CTBP2: variants seen among roughly 807,000 people sequenced by gnomAD.
CTBP2 encodes C-terminal-binding protein 2.
CTBP2 carries 30 observed loss-of-function variants against 80.3 expected under a neutral mutation model. That is an observed-to-expected ratio of 0.37 (90% CI 0.28 to 0.51). CTBP2 has a LOEUF of 0.51. CTBP2 is among the 20% of genes least tolerant of loss of function. The pLI, the probability that CTBP2 is intolerant of heterozygous loss-of-function variation, is 0.93. For missense variants in CTBP2, 1,212 were observed against 1,375.3 expected (o/e 0.88, Z 1.88); for synonymous variants, 594 against 587.4 (o/e 1.01, Z -0.16).
intron 1 of CTBP2, among the ~76,000 whole-genome samples, chr10:125,137,030 G>C (rs188092504): frequency 6.6e-6 from 1 of 152,294 alleles, no homozygotes; most frequent in East Asian, 1.9e-4. Flanking sequence ...CGCCGAAAAC[G>C]AGAAGTTTGT....
At chr10:125,119,119 G>A (rs768242383) in intron 1 of CTBP2, among the ~76,000 whole-genome samples, 3 of 152,182 alleles carry the variant, frequency 2.0e-5, no homozygotes, top group African/African-American at 4.8e-5. Flanking sequence ...GATCTAACAA[G>A]GGCCAGACTA....
At chr10:125,106,759 T>G (rs1439195785) in intron 2 of CTBP2, among the ~76,000 whole-genome samples, 1 of 152,162 alleles carries the variant, frequency 6.6e-6, no homozygotes, top group East Asian at 1.9e-4. Flanking sequence ...AGTGGGAAAA[T>G]TCAGGCCTTC....
intron 1 of CTBP2, among the ~76,000 whole-genome samples, chr10:125,131,184 T>A (rs1484322722): frequency 3.3e-5 from 5 of 152,166 alleles, no homozygotes; most frequent in African/African-American, 1.2e-4. Context: ...CATGCTGGAT[T>A]TCCACTGCGG....
At chr10:125,015,163 G>C (rs1321328756) in intron 1 of CTBP2, among the ~76,000 whole-genome samples, 2 of 152,200 alleles carry the variant, frequency 1.3e-5, no homozygotes, top group Non-Finnish European at 2.9e-5. Flanking sequence ...GTCCCGCTGT[G>C]ATTGTTTGGA....
chr10:125,036,670 T>TGG (rs1406270375), intron 3 of CTBP2, among the ~76,000 whole-genome samples: 2 of 2,404 alleles, frequency 8.3e-4, no homozygotes, highest in East Asian at 6.5e-3. Context: ...CTAGAGGGGG[T>TGG]GTGTGTGTGT....
rs905958518 is a variant in CTBP2 at position 125,138,885 on chromosome 10, G to GC, written c.-206+21433dup. Among the ~76,000 whole-genome samples, 26 of 152,144 alleles carry GC rather than the reference G, an allele frequency of 1.7e-4. 1 individual carries two copies. Among genetic ancestry groups the GC allele is most frequent in the Non-Finnish European group, 1.5e-5 (1 of 68,028 alleles). ...CTCGGCTAACTGTGCAAAGGAACCG[G>GC]CTTCTGATGAGTCCCACTGTGGTTT... On this transcript the variant is annotated intron_variant, in intron 1 of 10. Transcript: ENST00000337195.
At position 125,022,770 on chromosome 10, in the gene CTBP2, G is replaced by A. The variant is rs555778570; in HGVS notation, c.1678+3312C>T. 5.9e-5 allele frequency among the ~76,000 whole-genome samples: 9 copies of A among 152,344 alleles called. No homozygotes were observed. The South Asian group carries it at 1.9e-3, about 32-fold the overall frequency. ...CTGGACCTCACCCCCAAATGTCCTT[G>A]TGCTCTGAGATGGGGGAAGCCTGCC... On this transcript the variant is annotated intron_variant, in intron 1 of 8. Coordinates refer to ENST00000309035, the MANE Select transcript of CTBP2 (RefSeq NM_022802.3).
intron 2 of CTBP2, among the ~76,000 whole-genome samples, chr10:125,090,120 G>T (rs971468660): frequency 6.6e-6 from 1 of 151,926 alleles, no homozygotes; most frequent in Non-Finnish European, 1.5e-5. Context: ...GAAGCAAAAA[G>T]GAATTTTCCT....
At chr10:125,053,884 C>G (rs889661852) in intron 2 of CTBP2, among the ~76,000 whole-genome samples, 1 of 152,170 alleles carries the variant, frequency 6.6e-6, no homozygotes, top group Non-Finnish European at 1.5e-5. Flanking sequence ...AGGGACCCGG[C>G]AGAGGATCAG....
At chr10:125,023,239 A>T (rs1957227828) in intron 1 of CTBP2, among the ~76,000 whole-genome samples, 2 of 152,216 alleles carry the variant, frequency 1.3e-5, no homozygotes, top group South Asian at 4.1e-4. Flanking sequence ...AAATGGAAAA[A>T]GCTCAGAAAG....
At chr10:125,006,815 G>A (rs760432659) in intron 1 of CTBP2, among the ~76,000 whole-genome samples, 3 of 152,196 alleles carry the variant, frequency 2.0e-5, no homozygotes, top group Non-Finnish European at 4.4e-5. Context: ...AATTTGCGAG[G>A]AGAAAGCCCA....
intron 1 of CTBP2, among the ~76,000 whole-genome samples, chr10:125,127,839 T>C (rs978964382): frequency 2.6e-5 from 4 of 152,210 alleles, no homozygotes; most frequent in Non-Finnish European, 2.9e-5. Flanking sequence ...GCAACTGTCG[T>C]GAAATTTTTG....
chr10:125,046,764 C>A (rs1439446366), intron 2 of CTBP2, among the ~76,000 whole-genome samples: 1 of 152,200 alleles, frequency 6.6e-6, no homozygotes, highest in African/African-American at 2.4e-5. Flanking sequence ...CACTATGAGG[C>A]TCTGGGCTGC....
intron 3 of CTBP2, among the ~76,000 whole-genome samples, chr10:125,036,583 T>C (rs1011076854): frequency 6.6e-6 from 1 of 151,716 alleles, no homozygotes; most frequent in Non-Finnish European, 1.5e-5. Context: ...AAAAAACAGT[T>C]TGACAGGCTC....
chr10:125,049,217 G>C (rs1285497187), intron 2 of CTBP2, among the ~76,000 whole-genome samples: 1 of 152,208 alleles, frequency 6.6e-6, no homozygotes, highest in African/African-American at 2.4e-5. Flanking sequence ...GGGAGGGGCT[G>C]GTGTAGCCCA....
At chr10:125,075,154 TAG>T (rs1316624709) in intron 2 of CTBP2, among the ~76,000 whole-genome samples, 2 of 152,216 alleles carry the variant, frequency 1.3e-5, no homozygotes, top group African/African-American at 4.8e-5. Flanking sequence ...AAAAAGATTA[TAG>T]AGTGACAATA....
chr10:125,060,958 C>T (rs1303949717), intron 2 of CTBP2, among the ~76,000 whole-genome samples: 1 of 152,352 alleles, frequency 6.6e-6, no homozygotes, highest in East Asian at 1.9e-4. Flanking sequence ...GTTCTGGAAT[C>T]TTCCGGTCGG....
At chr10:125,148,493 C>A (rs1859214584) in intron 1 of CTBP2, among the ~76,000 whole-genome samples, 1 of 152,204 alleles carries the variant, frequency 6.6e-6, no homozygotes, top group Non-Finnish European at 1.5e-5. Flanking sequence ...TTTTAAGCTT[C>A]CTTGCTGAGA....
At chr10:125,089,377 G>T (rs1848444159) in intron 2 of CTBP2, among the ~76,000 whole-genome samples, 1 of 152,150 alleles carries the variant, frequency 6.6e-6, no homozygotes, top group Non-Finnish European at 1.5e-5. Flanking sequence ...TTTTGTGAAA[G>T]AGCCGACCAA....
Sources: gnomAD v4.1 joint callset for allele counts (sites outside exome capture counted in the v4.1 genomes callset) on GRCh38, gnomAD v4.1.1 for gene constraint, MANE v1.5 for transcripts, NCBI Gene and HGNC (gene_info 2026-07-23, HGNC 2026-07-21) for gene names.